The following FAM222B variants were observed in gnomAD, a reference collection of about 807,000 sequenced individuals.
FAM222B encodes family with sequence similarity 222 member B, also known as protein FAM222B.
FAM222B carries 12 observed loss-of-function variants against 38.0 expected under a neutral mutation model. The observed-to-expected ratio is 0.32, with a 90% CI of 0.20 to 0.51. The LOEUF is 0.51. FAM222B is among the 20% of genes least tolerant of loss of function. The pLI is 0.97. For synonymous variants in FAM222B, 329 were observed against 317.2 expected, an observed-to-expected ratio of 1.04 and a Z score of -0.40; for missense variants, 716 against 754.2, an observed-to-expected ratio of 0.95 and a Z score of 0.59.
Position 28,792,510 on chromosome 17 carries a change from G to A in FAM222B, c.-40-25803C>T, listed in dbSNP as rs189616200. 6.3e-4 allele frequency among the ~76,000 whole-genome samples: 96 copies of A among 151,980 alleles called. 1 individual carries two copies. Among genetic ancestry groups the A allele is most frequent in the Admixed American group, 3.7e-3 (56 of 15,248 alleles). ...AGAAGAAACAAACAAGTTGGGCGCA[G>A]TGGCTCACATCTGTAATCCTAGCAC... On this transcript the variant is annotated intron_variant, in intron 1 of 2. Transcript: ENST00000581407.
Position 28,821,827 on chromosome 17 carries a change from T to C in FAM222B, c.-41+20855A>G, listed in dbSNP as rs142841712. ...AAATACAAAAATTAGCTGGGCGTGGTGGCGCATGCCTGTAATCCCAGCTAC... is the reference window on the plus strand; with the variant it reads ...AAATACAAAAATTAGCTGGGCGTGGCGGCGCATGCCTGTAATCCCAGCTAC... On this transcript the variant is annotated intron_variant, in intron 1 of 2. Coordinates refer to ENST00000581407, the MANE Select transcript of FAM222B (RefSeq NM_001077498.3). 5.8e-3 allele frequency among the ~76,000 whole-genome samples: 885 copies of C among 151,616 alleles called. 10 individuals carry two copies. Among genetic ancestry groups the C allele is most frequent in the African/African-American group, 0.02 (841 of 41,400 alleles).
chr17:28,778,884 AAT>A (rs1333183883), intron 1 of FAM222B, among the ~76,000 whole-genome samples: 2 of 150,764 alleles, frequency 1.3e-5, no homozygotes, highest in South Asian at 4.2e-4. Flanking sequence ...TACGTTATAT[AAT>A]AGACTTGAGG....
intron 1 of FAM222B, among the ~76,000 whole-genome samples, chr17:28,779,682 C>T (rs983668503): frequency 3.6e-4 from 55 of 151,780 alleles, no homozygotes; most frequent in African/African-American, 1.3e-3. Context: ...ACCCCGGAGG[C>T]GGAGCTTGCA....
At chr17:28,807,634 C>T (rs1421015810) in intron 1 of FAM222B, among the ~76,000 whole-genome samples, 1 of 152,202 alleles carries the variant, frequency 6.6e-6, no homozygotes, top group African/African-American at 2.4e-5. Flanking sequence ...GATCCGTCCG[C>T]CTCAGCCTCC....
intron 1 of FAM222B, among the ~76,000 whole-genome samples, chr17:28,770,461 A>T (rs2035571181): frequency 6.6e-6 from 1 of 152,120 alleles, no homozygotes; most frequent in South Asian, 2.1e-4. Context: ...GGAGTGCAGC[A>T]GTGCCATCTT....
intron 1 of FAM222B, among the ~76,000 whole-genome samples, chr17:28,782,992 G>A (rs2151845300): frequency 6.6e-6 from 1 of 152,114 alleles, no homozygotes; most frequent in South Asian, 2.1e-4. Flanking sequence ...CAAAAAATTA[G>A]CCGGGTGAGG....
intron 1 of FAM222B, among the ~76,000 whole-genome samples, chr17:28,850,463 G>A (rs981936767): frequency 3.3e-5 from 5 of 151,990 alleles, no homozygotes; most frequent in East Asian, 3.9e-4. Context: ...CACCACGCCC[G>A]GCTTTTTTGT....
chr17:28,775,639 G>A (rs2035852692), intron 1 of FAM222B, among the ~76,000 whole-genome samples: 1 of 151,778 alleles, frequency 6.6e-6, no homozygotes, highest in African/African-American at 2.4e-5. Flanking sequence ...CCAGCACTTC[G>A]GGAGGCTGAG....
intron 1 of FAM222B, among the ~76,000 whole-genome samples, chr17:28,854,562 G>A (rs1208533629): frequency 6.6e-6 from 1 of 152,310 alleles, no homozygotes; most frequent in Admixed American, 6.5e-5. Flanking sequence ...CTGACCTCTA[G>A]GGCAAGCCAA....
In FAM222B at chr17:28,756,377, GCCC is replaced by G. The variant is rs1410634353; in HGVS notation, c.*1890_*1892del. ...TGGGTTTGAGGTTGTTTGACTTAAA[GCCC>G]CCAAGTTGGTGTCTGGTCCAGTTTC... On this transcript the variant is annotated 3_prime_UTR_variant, in exon 3 of 3. Coordinates refer to ENST00000581407, the MANE Select transcript of FAM222B (RefSeq NM_001077498.3). 6.6e-6 allele frequency: 1 copy of G among 152,610 alleles called. No individual in the cohort carries two copies. Among genetic ancestry groups the G allele is most frequent in the Non-Finnish European group, 1.5e-5 (1 of 68,066 alleles). The allele number at this position is 152,610 out of a possible 1,614,324, so 9.5% of individuals were successfully genotyped here.
chr17:28,795,361 T>C (rs534344142), intron 1 of FAM222B, among the ~76,000 whole-genome samples: 1 of 152,276 alleles, frequency 6.6e-6, no homozygotes, highest in African/African-American at 2.4e-5. Context: ...GGCAGACTGG[T>C]CTCGAACTCC....
At chr17:28,790,641 G>A (rs1180905580) in intron 1 of FAM222B, among the ~76,000 whole-genome samples, 2 of 151,936 alleles carry the variant, frequency 1.3e-5, no homozygotes, top group African/African-American at 4.8e-5. Context: ...GCATATAACT[G>A]GTATAATAAC....
chr17:28,815,050 G>A (rs918962075), intron 1 of FAM222B, among the ~76,000 whole-genome samples: 11 of 152,040 alleles, frequency 7.2e-5, no homozygotes, highest in Non-Finnish European at 1.3e-4. Context: ...TGGGATTACA[G>A]GCATGAGCCA....
chr17:28,760,276 C>A (rs1194380301), intron 2 of FAM222B, among the ~76,000 whole-genome samples: 1 of 152,114 alleles, frequency 6.6e-6, no homozygotes, highest in Non-Finnish European at 1.5e-5. Flanking sequence ...TCTCCCCCTA[C>A]ACAGAAATTC....
intron 1 of FAM222B, chr17:28,766,941 T>C (rs1381980777): frequency 2.4e-6 from 1 of 409,760 alleles, no homozygotes; most frequent in African/African-American, 2.0e-5. Context: ...ATGGGAGAAA[T>C]AAAACTGGAA....
At chr17:28,822,844 T>G (rs1480208413) in intron 1 of FAM222B, among the ~76,000 whole-genome samples, 2 of 93,710 alleles carry the variant, frequency 2.1e-5, no homozygotes, top group East Asian at 5.9e-4. Context: ...TATATATATA[T>G]ATATATATAT....
At chr17:28,838,005 C>A (rs556423793) in intron 1 of FAM222B, among the ~76,000 whole-genome samples, 1 of 152,242 alleles carries the variant, frequency 6.6e-6, no homozygotes, top group South Asian at 2.1e-4. Flanking sequence ...GTGGCTGACG[C>A]CTGTAATCCC....
chr17:28,771,658 G>A (rs1023554935), intron 1 of FAM222B, among the ~76,000 whole-genome samples: 6 of 152,148 alleles, frequency 3.9e-5, no homozygotes, highest in African/African-American at 9.7e-5. Context: ...ACCAGCCCGG[G>A]AAACAGTGCG....
intron 1 of FAM222B, among the ~76,000 whole-genome samples, chr17:28,779,527 G>A (rs1189834022): frequency 6.6e-6 from 1 of 152,010 alleles, no homozygotes; most frequent in Non-Finnish European, 1.5e-5. Flanking sequence ...TGAGGCGGGC[G>A]GATCATGAGA....
Sources: allele counts gnomAD v4.1 joint callset (sites outside exome capture counted in the v4.1 genomes callset), GRCh38; gene constraint gnomAD v4.1.1; transcripts MANE v1.5; gene names NCBI Gene and HGNC (gene_info 2026-07-23, HGNC 2026-07-21).